Variants in RB1 observed in about 807,000 individuals in gnomAD.
RB1 encodes RB transcriptional corepressor 1, also known as retinoblastoma-associated protein.
In RB1, 18 loss-of-function variants were observed where a neutral mutation model predicts 135.4. That is an observed-to-expected ratio of 0.13 (90% confidence interval 0.09 to 0.20). The LOEUF is 0.20. Ranked by LOEUF, RB1 falls within the 10% of genes least tolerant of loss-of-function variation. The pLI is 1.00. For synonymous variants in RB1, 365 were observed against 373.2 expected (o/e 0.98, Z 0.25); for missense variants, 868 against 1,110.0 (o/e 0.78, Z 3.10).
intron 2 of RB1, among the ~76,000 whole-genome samples, chr13:48,337,292 CATT>C (rs2138076253): frequency 6.6e-6 from 1 of 152,224 alleles, no homozygotes; most frequent in South Asian, 2.1e-4. Flanking sequence ...TAAAGTCTCC[CATT>C]ATTATTGTGT....
rs532307864 is a variant in RB1 at position 48,454,168 on chromosome 13, C to T, written c.1814+1057C>T. The stretch of plus-strand genomic sequence containing the variant: ...GGAATTAGAGAAATAAGATAACTTG[C>T]CTAAGGTCAATAGAATTCAAACCCA... On this transcript the variant is annotated intron_variant, in intron 18 of 26. Transcript: ENST00000267163. Among the ~76,000 whole-genome samples the T allele has an allele frequency of 1.8e-4, 27 of 152,296 alleles. 2 individuals are homozygous for T. The highest frequency in any genetic ancestry group is 6.5e-4 in the African/African-American group (27 of 41,550).
intron 8 of RB1, 36 bp from the exon 9 acceptor site, chr13:48,364,858 A>C: frequency 6.5e-7 from 1 of 1,542,420 alleles, no homozygotes; most frequent in Middle Eastern, 1.7e-4. Context: ...TTTGTTTTAA[A>C]TTTTAATGAT....
At chr13:48,437,320 AG>A (rs1426359666) in intron 17 of RB1, among the ~76,000 whole-genome samples, 3 of 152,258 alleles carry the variant, frequency 2.0e-5, no homozygotes, top group Non-Finnish European at 4.4e-5. Flanking sequence ...TGCTTTAGAA[AG>A]AAATATACAT....
chr13:48,411,135 A>C, intron 17 of RB1: 1 of 342,402 alleles, frequency 2.9e-6, no homozygotes, highest in Admixed American at 4.1e-5. Flanking sequence ...TTTAGACACT[A>C]AATAACTTTA....
chr13:48,366,462 C>T (rs1952699644), intron 9 of RB1, among the ~76,000 whole-genome samples: 1 of 152,138 alleles, frequency 6.6e-6, no homozygotes, highest in South Asian at 2.1e-4. Flanking sequence ...TTCTTCCTAT[C>T]ACTCCTTTTA....
chr13:48,329,277 A>G (rs1952313871), intron 2 of RB1, among the ~76,000 whole-genome samples: 1 of 152,230 alleles, frequency 6.6e-6, no homozygotes, highest in Admixed American at 6.5e-5. Flanking sequence ...TCAGAATTAC[A>G]GTGTACTTGA....
At chr13:48,333,185 C>T (rs1436141816) in intron 2 of RB1, 2 of 395,248 alleles carry the variant, frequency 5.1e-6, no homozygotes, top group African/African-American at 4.1e-5. Context: ...GTCAATTGTA[C>T]CTCCATAAAG....
chr13:48,352,188 G>A (rs927328774), intron 6 of RB1, among the ~76,000 whole-genome samples: 4 of 151,996 alleles, frequency 2.6e-5, no homozygotes, highest in African/African-American at 9.7e-5. Flanking sequence ...TGTTCCATTG[G>A]TTTACATTAT....
chr13:48,422,231 G>C (rs1019786612), intron 17 of RB1, among the ~76,000 whole-genome samples: 10 of 152,234 alleles, frequency 6.6e-5, no homozygotes, highest in African/African-American at 2.2e-4. Context: ...CATGGATGAA[G>C]CTGGAAACCA....
At chr13:48,347,885 A>T in intron 5 of RB1, 22 bp downstream of exon 5, 1 of 1,551,734 alleles carries the variant, frequency 6.4e-7, no homozygotes, top group Non-Finnish European at 8.9e-7. Context: ...ACAGAATGTT[A>T]TTTTTCACTT....
Position 48,345,219 on chromosome 13 carries a change from A to G in RB1, c.500+20A>G. On this transcript the variant is annotated intron_variant, in intron 4 of 26. Transcript: ENST00000267163. Reference sequence around the variant, plus strand: ...GGAAAGGTAAAGTAAACATTTTATTAGGTTTACACTCTGATTTTTTATGTC... The same window carrying G: ...GGAAAGGTAAAGTAAACATTTTATTGGGTTTACACTCTGATTTTTTATGTC... 1 of 1,607,758 alleles carries G rather than the reference A, an allele frequency of 6.2e-7. No individual in the cohort carries two copies. Among genetic ancestry groups the G allele is most frequent in the South Asian group, 1.1e-5 (1 of 90,910 alleles).
At chr13:48,364,754 TA>T (rs1952677485) in intron 8 of RB1, 139 bp from the exon 9 acceptor site, 5 of 979,442 alleles carry the variant, frequency 5.1e-6, no homozygotes, top group Non-Finnish European at 5.7e-6. Context: ...AAGAAAATAA[TA>T]AAAAATAAAA....
intron 17 of RB1, among the ~76,000 whole-genome samples, chr13:48,452,198 C>T (rs1949332027): frequency 6.6e-6 from 1 of 151,756 alleles, no homozygotes; most frequent in African/African-American, 2.4e-5. Context: ...CAATATTGTA[C>T]TAGCTTCATA....
intron 17 of RB1, chr13:48,412,788 T>A (rs775040612): frequency 3.6e-6 from 1 of 276,606 alleles, no homozygotes; most frequent in Non-Finnish European, 7.5e-6. Context: ...AAACCACTTG[T>A]CTTCTAAACT....
rs189480175 is a variant in RB1 at position 48,419,952 on chromosome 13, C to A, written c.1696-33041C>A. Among the ~76,000 whole-genome samples, 62 of 152,246 alleles carry A rather than the reference C, an allele frequency of 4.1e-4. No homozygotes were observed. In the Middle Eastern group the frequency reaches 0.01, roughly 25 times the overall value. ...AGATGGATTCACAGCTGAATTCTGCCAGAGGTACAAGGAGGAGCTGGTACT... is the reference window on the plus strand; with the variant it reads ...AGATGGATTCACAGCTGAATTCTGCAAGAGGTACAAGGAGGAGCTGGTACT... On this transcript the variant is annotated intron_variant, in intron 17 of 26. Transcript: ENST00000267163.
chr13:48,342,085 T>C (rs1455282856), intron 2 of RB1, among the ~76,000 whole-genome samples: 1 of 151,954 alleles, frequency 6.6e-6, no homozygotes, highest in Non-Finnish European at 1.5e-5. Context: ...CAAAATGGGG[T>C]ACATATTCTT....
At chr13:48,450,584 G>C (rs1398558315) in intron 17 of RB1, among the ~76,000 whole-genome samples, 3 of 152,150 alleles carry the variant, frequency 2.0e-5, no homozygotes, top group African/African-American at 7.2e-5. Flanking sequence ...ATAGTTTGAA[G>C]TCAGGTAGTG....
At chr13:48,367,429 C>T in intron 9 of RB1, 65 bp from the exon 10 acceptor site, 3 of 1,543,546 alleles carry the variant, frequency 1.9e-6, no homozygotes, top group South Asian at 2.3e-5. Flanking sequence ...GAAATCTGTG[C>T]CTCTGTGTGC....
At position 48,319,342 on chromosome 13, in the gene RB1, C is replaced by T. The variant is rs1593421753; in HGVS notation, c.264+11936C>T. On this transcript the variant is annotated intron_variant, in intron 2 of 26. Transcript: ENST00000267163. This position sits in a 1 kb window ranked among gnomAD's most constrained non-coding sequence, Gnocchi z 5.0. ...CTCTGGGGCAGGTCCCCGTTGGCCT[C>T]CTTGCGTGTTTGCCGCAGCTAGTAC... The T allele has an allele frequency of 1.5e-5, 8 of 522,456 alleles. No homozygotes were observed. In the East Asian group the frequency reaches 3.5e-4, roughly 23 times the overall value. The allele number at this position is 522,456 out of a possible 1,614,324, so 32.4% of individuals were successfully genotyped here. A position where few individuals can be genotyped will look rare whatever the true frequency, so the allele number is the denominator to read the frequency against.
Sources: allele counts gnomAD v4.1 joint callset (sites outside exome capture counted in the v4.1 genomes callset), GRCh38; gene constraint gnomAD v4.1.1; non-coding constraint Gnocchi (gnomAD v3.1); transcripts MANE v1.5; gene names NCBI Gene and HGNC (gene_info 2026-07-23, HGNC 2026-07-21).